The following PDLIM5 variants were observed in gnomAD, a reference collection of about 807,000 sequenced individuals.
The protein encoded by PDLIM5 is PDZ and LIM domain protein 5.
In PDLIM5, 34 loss-of-function variants were observed where a neutral mutation model predicts 64.2. That is an observed-to-expected ratio of 0.53 (90% CI 0.40 to 0.71). PDLIM5 has a LOEUF of 0.71. Among genes scored for constraint, PDLIM5 ranks in the 30% least tolerant of loss-of-function variants. The pLI, the probability that PDLIM5 is intolerant of heterozygous loss-of-function variation, is 0.00. For synonymous variants in PDLIM5, 253 were observed against 269.1 expected, an observed-to-expected ratio of 0.94 and a Z score of 0.59; for missense variants, 683 against 733.6, an observed-to-expected ratio of 0.93 and a Z score of 0.80.
intron 9 of PDLIM5, among the ~76,000 whole-genome samples, chr4:94,649,549 C>G (rs1298675543): frequency 6.6e-6 from 1 of 152,172 alleles, no homozygotes; most frequent in Non-Finnish European, 1.5e-5. Flanking sequence ...ACTGTCATCT[C>G]CCTGCCCTAT....
intron 4 of PDLIM5, among the ~76,000 whole-genome samples, chr4:94,574,859 G>GT (rs1735117261): frequency 6.6e-6 from 1 of 151,836 alleles, no homozygotes; most frequent in African/African-American, 2.4e-5. Context: ...TTTTCTTCAT[G>GT]TAACTATTAA....
At chr4:94,639,155 A>G (rs943610010) in intron 8 of PDLIM5, among the ~76,000 whole-genome samples, 17 of 152,198 alleles carry the variant, frequency 1.1e-4, no homozygotes, top group African/African-American at 3.9e-4. Context: ...TGGTGAAAAC[A>G]GCCTGAGCAT....
At position 94,617,959 on chromosome 4, in the gene PDLIM5, C is replaced by T. The variant is rs553483727; in HGVS notation, c.921-45C>T. The T allele has an allele frequency of 1.0e-5, 11 of 1,049,970 alleles. No homozygotes were observed. In the South Asian group the frequency reaches 1.3e-4, roughly 12 times the overall value. 65.0% of individuals were successfully genotyped at this position (1,049,970 alleles called of 1,614,324 possible). A position where few individuals can be genotyped will look rare whatever the true frequency, so the allele number is the denominator to read the frequency against. On this transcript the variant is annotated intron_variant, in intron 7 of 12. Coordinates refer to ENST00000317968, the MANE Select transcript of PDLIM5 (RefSeq NM_006457.5). ...AAAAGAAAGGATTATTGCTGAGTTA[C>T]GTTGCTACCACTTCACCAAAGATGT... is the stretch of plus-strand genomic sequence containing the variant.
intron 5 of PDLIM5, chr4:94,577,417 C>T (rs530402688): frequency 2.2e-6 from 1 of 456,078 alleles, no homozygotes; most frequent in African/African-American, 2.0e-5. Context: ...AGAACAGCTC[C>T]TGGGCTGTAC....
chr4:94,559,021 A>T (rs1733614063), intron 3 of PDLIM5, among the ~76,000 whole-genome samples: 1 of 152,134 alleles, frequency 6.6e-6, no homozygotes, highest in African/African-American at 2.4e-5. Flanking sequence ...TTGGTAAACT[A>T]AGGAAAATAT....
intron 2 of PDLIM5, among the ~76,000 whole-genome samples, chr4:94,484,805 T>TA (rs546979495): frequency 4.9e-4 from 75 of 152,346 alleles, no homozygotes; most frequent in Non-Finnish European, 1.8e-4. Context: ...AGGCTTCTGT[T>TA]ATAGAAATGC....
intron 7 of PDLIM5, chr4:94,587,714 C>A (rs79700101): frequency 4.1e-6 from 4 of 984,424 alleles, no homozygotes; most frequent in Admixed American, 6.2e-5. Flanking sequence ...AGAATTTTAC[C>A]CCTATTTGCA....
intron 8 of PDLIM5, 35 bp downstream of exon 8, chr4:94,618,226 G>T: frequency 7.1e-7 from 1 of 1,413,114 alleles, no homozygotes; most frequent in Non-Finnish European, 9.7e-7. Flanking sequence ...CTTGCTTTTC[G>T]TAATGAGTTT....
At chr4:94,567,146 C>T (rs1014675767) in intron 3 of PDLIM5, among the ~76,000 whole-genome samples, 32 of 152,260 alleles carry the variant, frequency 2.1e-4, no homozygotes, top group African/African-American at 7.2e-4. Flanking sequence ...GCGCCCGCCA[C>T]CACACCTGGC....
rs1288861848 is a variant in PDLIM5 at position 94,663,966 on chromosome 4, C to G, written c.1702-12C>G. 9 of 1,592,124 alleles carry G rather than the reference C, an allele frequency of 5.7e-6. No homozygotes were observed. Among genetic ancestry groups the G allele is most frequent in the East Asian group, 2.2e-5 (1 of 44,540 alleles). On this transcript the variant is annotated splice_polypyrimidine_tract_variant and intron_variant, in intron 12 of 12. Transcript: ENST00000317968. ...CTTAAATAATATCTCTTAAATGCTG[C>G]TTCTTTTTCAGGTGTGTTGTGAAAG... is the stretch of plus-strand genomic sequence containing the variant.
intron 3 of PDLIM5, among the ~76,000 whole-genome samples, chr4:94,552,622 C>A (rs1472037953): frequency 6.6e-6 from 1 of 151,784 alleles, no homozygotes; most frequent in Non-Finnish European, 1.5e-5. Context: ...ATATAAAAAT[C>A]TCTCTATAGC....
chr4:94,484,028 C>T (rs537332530), intron 2 of PDLIM5, among the ~76,000 whole-genome samples: 60 of 152,294 alleles, frequency 3.9e-4, no homozygotes, highest in Middle Eastern at 3.4e-3. Context: ...ACCTTAGATA[C>T]GTTTCCTGCA....
At chr4:94,478,112 C>T (rs1402997468) in intron 2 of PDLIM5, among the ~76,000 whole-genome samples, 4 of 151,768 alleles carry the variant, frequency 2.6e-5, no homozygotes, top group East Asian at 1.9e-4. Context: ...AAAAATTACC[C>T]GGGCATGGTG....
intron 3 of PDLIM5, among the ~76,000 whole-genome samples, chr4:94,547,441 C>A (rs562872881): frequency 6.6e-6 from 1 of 152,164 alleles, no homozygotes; most frequent in Non-Finnish European, 1.5e-5. Flanking sequence ...AACAGTGACT[C>A]TTCTTTCTCC....
At chr4:94,475,665 A>G (rs1217532568) in intron 2 of PDLIM5, among the ~76,000 whole-genome samples, 2 of 152,218 alleles carry the variant, frequency 1.3e-5, no homozygotes, top group Non-Finnish European at 2.9e-5. Flanking sequence ...GTTTTGCAAG[A>G]TGAAAAGTTC....
intron 2 of PDLIM5, among the ~76,000 whole-genome samples, chr4:94,485,849 CAAAA>C (rs10637280): frequency 2.0e-5 from 2 of 100,242 alleles, no homozygotes; most frequent in African/African-American, 3.8e-5. Context: ...GACTCCGTCT[CAAAA>C]AAAAAAAAAA....
intron 7 of PDLIM5, among the ~76,000 whole-genome samples, chr4:94,603,897 T>C (rs933132581): frequency 8.5e-5 from 13 of 152,122 alleles, no homozygotes; most frequent in African/African-American, 2.9e-4. Context: ...ATTAAAAATA[T>C]AAATTTGGAA....
At chr4:94,464,473 A>C (rs1019647074) in intron 2 of PDLIM5, among the ~76,000 whole-genome samples, 5 of 152,220 alleles carry the variant, frequency 3.3e-5, no homozygotes, top group Non-Finnish European at 7.3e-5. Flanking sequence ...AGGCTGTATA[A>C]CACTAGCCAG....
Position 94,628,643 on chromosome 4 carries a change from T to C in PDLIM5, c.1108+10452T>C, listed in dbSNP as rs2110426905. Among the ~76,000 whole-genome samples the C allele has an allele frequency of 2.6e-5, 4 of 152,264 alleles. No homozygotes were observed. The South Asian group carries it at 8.3e-4, about 32-fold the overall frequency. On this transcript the variant is annotated intron_variant, in intron 8 of 12. Transcript: ENST00000317968. Reference sequence around the variant, plus strand: ...TGAAATTAGGCTGCTTTCTTATTTGTATAAATAGTTGAAAATTGGTGGGAA... The same window carrying C: ...TGAAATTAGGCTGCTTTCTTATTTGCATAAATAGTTGAAAATTGGTGGGAA...
Sources: gnomAD v4.1 joint callset for allele counts (sites outside exome capture counted in the v4.1 genomes callset) on GRCh38, gnomAD v4.1.1 for gene constraint, MANE v1.5 for transcripts, NCBI Gene and HGNC (gene_info 2026-07-23, HGNC 2026-07-21) for gene names.